Variants in CCSER1 observed in about 807,000 individuals in gnomAD.
CCSER1 encodes the protein serine-rich coiled-coil domain-containing protein 1.
CCSER1 carries 41 observed loss-of-function variants against 82.0 expected under a neutral mutation model. The observed-to-expected ratio is 0.50, with a 90% confidence interval of 0.39 to 0.65. The LOEUF is 0.65. Among genes scored for constraint, CCSER1 ranks in the 30% least tolerant of loss-of-function variants. The pLI is 0.00. For synonymous variants in CCSER1, 414 were observed against 383.9 expected (o/e 1.08, Z -0.92); for missense variants, 1,119 against 1,064.2 (o/e 1.05, Z -0.72).
intron 9 of CCSER1, among the ~76,000 whole-genome samples, chr4:91,026,981 A>C (rs1740541000): frequency 6.6e-6 from 1 of 152,022 alleles, no homozygotes; most frequent in Admixed American, 6.6e-5. Flanking sequence ...TTTAAAAATA[A>C]TTTTTAAAAC....
intron 10 of CCSER1, among the ~76,000 whole-genome samples, chr4:91,178,999 G>T (rs1733711926): frequency 6.6e-6 from 1 of 152,114 alleles, no homozygotes; most frequent in Admixed American, 6.6e-5. Context: ...AGGCCTGGTG[G>T]TGACAAAATC....
chr4:91,567,070 G>A (rs1762925483), intron 10 of CCSER1, among the ~76,000 whole-genome samples: 1 of 151,882 alleles, frequency 6.6e-6, no homozygotes, highest in African/African-American at 2.4e-5. Context: ...CAGAGATTCT[G>A]GTATATTGTA....
chr4:90,512,379 A>AT (rs148952937), intron 5 of CCSER1, among the ~76,000 whole-genome samples: 14,562 of 151,862 alleles, frequency 0.096, 908 homozygotes, highest in South Asian at 0.19. Context: ...AAATTCTTTG[A>AT]TTTTATCAAT....
chr4:91,193,771 A>G (rs1735186952), intron 10 of CCSER1, among the ~76,000 whole-genome samples: 1 of 151,500 alleles, frequency 6.6e-6, no homozygotes, highest in Non-Finnish European at 1.5e-5. Context: ...ATGAATGCCC[A>G]TTGCTTATAT....
intron 10 of CCSER1, among the ~76,000 whole-genome samples, chr4:91,549,468 G>GA (rs1246833071): frequency 6.6e-6 from 1 of 152,036 alleles, no homozygotes; most frequent in Non-Finnish European, 1.5e-5. Context: ...ATAAACTGTG[G>GA]AAAACAGGTC....
intron 10 of CCSER1, among the ~76,000 whole-genome samples, chr4:91,335,944 G>C (rs1022231017): frequency 6.6e-6 from 1 of 151,974 alleles, no homozygotes; most frequent in African/African-American, 2.4e-5. Context: ...ACCATTTTTG[G>C]CCATAATTTA....
Position 90,436,978 on chromosome 4 carries a change from G to A in CCSER1, c.1604-31256G>A, listed in dbSNP as rs574440467. ...CCCGAGTGCTGGCACCCGCCACCAC[G>A]CCTGGCTAATTTTTTTGTATTTTTA... is the stretch of plus-strand genomic sequence containing the variant. On this transcript the variant is annotated intron_variant, in intron 4 of 10. Transcript: ENST00000509176. 8.0e-4 allele frequency among the ~76,000 whole-genome samples: 122 copies of A among 151,872 alleles called. 3 individuals are homozygous for A. The South Asian group carries it at 0.024, about 30-fold the overall frequency.
At chr4:91,500,128 C>G (rs983007915) in intron 10 of CCSER1, among the ~76,000 whole-genome samples, 1 of 151,986 alleles carries the variant, frequency 6.6e-6, no homozygotes, top group Non-Finnish European at 1.5e-5. Context: ...ATATCCTCAT[C>G]AACATTTTGT....
chr4:90,484,850 TCA>T (rs1158778459), intron 5 of CCSER1, among the ~76,000 whole-genome samples: 1 of 152,232 alleles, frequency 6.6e-6, no homozygotes, highest in Non-Finnish European at 1.5e-5. Flanking sequence ...GACAGTCTGC[TCA>T]TTCTCAGATC....
chr4:90,794,438 G>A (rs11936352), intron 7 of CCSER1, among the ~76,000 whole-genome samples: 52,889 of 151,946 alleles, frequency 0.35, 9,565 homozygotes, highest in African/African-American at 0.46. Context: ...ACCATTGCTT[G>A]TTTTTGTCAG....
intron 1 of CCSER1, among the ~76,000 whole-genome samples, chr4:90,271,890 T>TTAA (rs1553982851): frequency 7.1e-5 from 5 of 70,122 alleles, no homozygotes; most frequent in Non-Finnish European, 1.3e-4. Flanking sequence ...TTTTTTTTTT[T>TTAA]AAAAGGAGGT....
chr4:90,414,829 T>C (rs79057454), intron 4 of CCSER1, among the ~76,000 whole-genome samples: 2,708 of 152,320 alleles, frequency 0.018, 49 homozygotes, highest in African/African-American at 0.036. Context: ...TTATGAACTA[T>C]ACAATTTGTC....
At chr4:90,840,832 A>G (rs894653509) in intron 8 of CCSER1, among the ~76,000 whole-genome samples, 2 of 152,118 alleles carry the variant, frequency 1.3e-5, no homozygotes, top group African/African-American at 4.8e-5. Flanking sequence ...CTCATCAGAG[A>G]GTAAATTCTT....
At chr4:90,814,169 A>G (rs1416933487) in intron 7 of CCSER1, among the ~76,000 whole-genome samples, 1 of 152,184 alleles carries the variant, frequency 6.6e-6, no homozygotes, top group Non-Finnish European at 1.5e-5. Flanking sequence ...GTTGGCCCCT[A>G]TTAGCCATGA....
At chr4:91,433,286 A>T (rs1278908302) in intron 10 of CCSER1, among the ~76,000 whole-genome samples, 2 of 152,136 alleles carry the variant, frequency 1.3e-5, no homozygotes, top group East Asian at 1.9e-4. Context: ...GGGCTGAAAA[A>T]TTCTTATCAC....
intron 10 of CCSER1, among the ~76,000 whole-genome samples, chr4:91,461,880 A>G (rs997047543): frequency 1.3e-5 from 2 of 152,366 alleles, no homozygotes; most frequent in Admixed American, 6.5e-5. Flanking sequence ...CTTTCTGACT[A>G]AGGACCATAG....
rs138046934 is a variant in CCSER1, at chr4:90,944,076, T to G, written c.2172+20629T>G. On this transcript the variant is annotated intron_variant, in intron 9 of 10. Coordinates refer to ENST00000509176, the MANE Select transcript of CCSER1 (RefSeq NM_001145065.2). ...CGGTGAAACCCCGTCGCTACTAAAA[T>G]ACAAAACATGAGCTGGGCGAGCGGC... Among the ~76,000 whole-genome samples the G allele has an allele frequency of 8.0e-3, 1,203 of 151,212 alleles. 12 individuals are homozygous for G. The highest frequency in any genetic ancestry group is 0.011 in the Admixed American group (171 of 15,206).
chr4:91,398,384 A>C (rs1207163461), intron 10 of CCSER1, among the ~76,000 whole-genome samples: 2 of 151,988 alleles, frequency 1.3e-5, no homozygotes, highest in Admixed American at 1.3e-4. Context: ...GCTTTATGAC[A>C]GATTTTTTGC....
chr4:91,484,884 A>C (rs1407524633), intron 10 of CCSER1, among the ~76,000 whole-genome samples: 1 of 152,220 alleles, frequency 6.6e-6, no homozygotes, highest in African/African-American at 2.4e-5. Context: ...CAAAAGTCTA[A>C]ATCGATACCT....
Sources: allele counts gnomAD v4.1 joint callset (sites outside exome capture counted in the v4.1 genomes callset), GRCh38; gene constraint gnomAD v4.1.1; transcripts MANE v1.5; gene names NCBI Gene and HGNC (gene_info 2026-07-23, HGNC 2026-07-21).